Variants in CA10 observed in about 807,000 individuals in gnomAD.
The protein encoded by CA10 is carbonic anhydrase-related protein 10.
Under a neutral mutation model 44.2 loss-of-function variants are expected in CA10, and 14 were observed. That is an observed-to-expected ratio of 0.32 (90% CI 0.21 to 0.50). CA10 has a LOEUF of 0.50. Ranked by LOEUF, CA10 falls within the 20% of genes least tolerant of loss-of-function variation. The probability of loss-of-function intolerance (pLI) is 0.99; values close to 1 mark genes in which losing one functional copy is unlikely to be tolerated. For synonymous variants in CA10, 159 were observed against 141.6 expected (o/e 1.12, Z -0.87); for missense variants, 350 against 409.7 (o/e 0.85, Z 1.26).
intron 4 of CA10, among the ~76,000 whole-genome samples, chr17:51,663,241 T>TTC (rs556726104): frequency 1 from 150,476 of 150,480 alleles, 75,236 homozygotes; most frequent in Middle Eastern, 1. Context: ...GAGACCACTT[T>TTC]TTCTCGATTC....
At chr17:51,937,189 C>T (rs2144008067) in intron 2 of CA10, among the ~76,000 whole-genome samples, 1 of 152,276 alleles carries the variant, frequency 6.6e-6, no homozygotes. Flanking sequence ...CCTTCCACTT[C>T]AATATAGCAA....
At chr17:51,993,150 A>G (rs1985103999) in intron 2 of CA10, among the ~76,000 whole-genome samples, 1 of 152,086 alleles carries the variant, frequency 6.6e-6, no homozygotes, top group Non-Finnish European at 1.5e-5. Flanking sequence ...GATTGGCAGG[A>G]CTTTATTAAG....
intron 3 of CA10, among the ~76,000 whole-genome samples, chr17:51,821,268 A>G (rs1279987683): frequency 6.6e-6 from 1 of 151,678 alleles, no homozygotes; most frequent in Non-Finnish European, 1.5e-5. Context: ...TTAAAAAGGA[A>G]ATAGAGACAG....
intron 3 of CA10, among the ~76,000 whole-genome samples, chr17:51,798,854 A>G (rs1906816352): frequency 6.6e-6 from 1 of 152,200 alleles, no homozygotes; most frequent in South Asian, 2.1e-4. Flanking sequence ...AATTTGGGCA[A>G]CCAAGATTCA....
Position 51,945,533 on chromosome 17 carries a change from G to A in CA10, c.137-14401C>T, listed in dbSNP as rs77225129. Among the ~76,000 whole-genome samples, 1,098 of 152,224 alleles carry A rather than the reference G, an allele frequency of 7.2e-3. 10 individuals are homozygous for A. The highest frequency in any genetic ancestry group is 0.025 in the African/African-American group (1,039 of 41,546). ...CTTGCATTATGTGGGCCTTCTGAAG[G>A]TGCCAGGTAAGCCGATGTCAGCTGA... On this transcript the variant is annotated intron_variant, in intron 2 of 8. Coordinates refer to ENST00000451037, the MANE Select transcript of CA10 (RefSeq NM_020178.5).
intron 3 of CA10, among the ~76,000 whole-genome samples, chr17:51,750,453 T>G (rs1904853891): frequency 6.6e-6 from 1 of 152,234 alleles, no homozygotes; most frequent in African/African-American, 2.4e-5. Flanking sequence ...TACATCATAT[T>G]TCCTTGTAAA....
intron 4 of CA10, among the ~76,000 whole-genome samples, chr17:51,656,111 C>T (rs941412390): frequency 2.6e-5 from 4 of 152,156 alleles, no homozygotes; most frequent in Non-Finnish European, 4.4e-5. Context: ...CAAAACACAC[C>T]CTGCCATCTG....
At chr17:51,827,201 C>T (rs1432451117) in intron 3 of CA10, among the ~76,000 whole-genome samples, 1 of 152,148 alleles carries the variant, frequency 6.6e-6, no homozygotes, top group East Asian at 1.9e-4. Flanking sequence ...AAATTATTTT[C>T]CAATACCTTT....
At chr17:51,862,407 C>T (rs920442317) in intron 3 of CA10, among the ~76,000 whole-genome samples, 4 of 150,490 alleles carry the variant, frequency 2.7e-5, no homozygotes, top group African/African-American at 9.9e-5. Flanking sequence ...TGAGACAGAA[C>T]CAGCCTTTAA....
chr17:51,893,515 T>C (rs1980947955), intron 3 of CA10, among the ~76,000 whole-genome samples: 1 of 152,166 alleles, frequency 6.6e-6, no homozygotes, highest in Admixed American at 6.5e-5. Flanking sequence ...GTCTGGTTTC[T>C]GGTAAAGAAT....
chr17:51,841,083 G>T (rs144587687), intron 3 of CA10, among the ~76,000 whole-genome samples: 2 of 152,280 alleles, frequency 1.3e-5, no homozygotes, highest in African/African-American at 4.8e-5. Context: ...TTCCTGGAGA[G>T]AACCAGTTTC....
intron 2 of CA10, among the ~76,000 whole-genome samples, chr17:51,963,618 C>A (rs910696212): frequency 3.3e-5 from 5 of 152,076 alleles, no homozygotes; most frequent in Non-Finnish European, 5.9e-5. Flanking sequence ...ATTTTTAGCA[C>A]TTTTAAAGAA....
intron 2 of CA10, among the ~76,000 whole-genome samples, chr17:51,955,150 A>C (rs1378867486): frequency 2.6e-5 from 4 of 152,116 alleles, no homozygotes; most frequent in Admixed American, 2.6e-4. Flanking sequence ...GAGAAAGAAG[A>C]AAGCAAGAGG....
chr17:51,711,784 C>A (rs1190373322), intron 4 of CA10, among the ~76,000 whole-genome samples: 3 of 152,220 alleles, frequency 2.0e-5, no homozygotes, highest in Non-Finnish European at 4.4e-5. Context: ...GAAGATCAGC[C>A]TCTGATGCCC....
chr17:51,953,977 T>C (rs1372265593), intron 2 of CA10, among the ~76,000 whole-genome samples: 4 of 152,178 alleles, frequency 2.6e-5, no homozygotes, highest in Admixed American at 1.3e-4. Flanking sequence ...TGATAAGTAT[T>C]ACTCTGTTGT....
chr17:51,660,023 T>C, intron 4 of CA10, among the ~76,000 whole-genome samples: 1 of 152,168 alleles, frequency 6.6e-6, no homozygotes, highest in East Asian at 1.9e-4. Flanking sequence ...GAAGGGGTCT[T>C]AGAGAAAATC....
chr17:51,659,098 G>A (rs1458949421), intron 4 of CA10, among the ~76,000 whole-genome samples: 1 of 152,200 alleles, frequency 6.6e-6, no homozygotes, highest in Non-Finnish European at 1.5e-5. Flanking sequence ...CTGTGAGGGT[G>A]CTTCTAGAAG....
chr17:52,071,628 C>A (rs1162340196), intron 2 of CA10, among the ~76,000 whole-genome samples: 1 of 152,140 alleles, frequency 6.6e-6, no homozygotes, highest in East Asian at 1.9e-4. Flanking sequence ...CACATCTGAG[C>A]AGTTAAAAAT....
At chr17:51,691,274 C>T (rs1365206969) in intron 4 of CA10, among the ~76,000 whole-genome samples, 1 of 152,142 alleles carries the variant, frequency 6.6e-6, no homozygotes, top group Non-Finnish European at 1.5e-5. Flanking sequence ...AATAGATATT[C>T]TAAGTTGTGA....
Sources: gnomAD v4.1 joint callset for allele counts (sites outside exome capture counted in the v4.1 genomes callset) on GRCh38, gnomAD v4.1.1 for gene constraint, MANE v1.5 for transcripts, NCBI Gene and HGNC (gene_info 2026-07-23, HGNC 2026-07-21) for gene names.